GCH1: variants seen among roughly 807,000 people sequenced by gnomAD.
The protein encoded by GCH1 is GTP cyclohydrolase I.
GCH1 carries 5 observed loss-of-function variants against 25.9 expected under a neutral mutation model. The observed-to-expected ratio is 0.19, with a 90% confidence interval of 0.10 to 0.41. The LOEUF (loss-of-function observed/expected upper bound fraction) is 0.41. Among genes scored for constraint, GCH1 ranks in the 10% least tolerant of loss-of-function variants. The pLI is 1.00. For missense variants in GCH1, 261 were observed against 336.5 expected (o/e 0.78, Z 1.75); for synonymous variants, 159 against 129.6 (o/e 1.23, Z -1.54).
intron 5 of GCH1, among the ~76,000 whole-genome samples, chr14:54,845,088 G>A (rs1378193213): frequency 1.3e-5 from 2 of 152,054 alleles, no homozygotes; most frequent in African/African-American, 2.4e-5. Flanking sequence ...CAGGAGAATC[G>A]CTTGAACCTG....
At chr14:54,849,494 G>A (rs2039693143) in intron 3 of GCH1, among the ~76,000 whole-genome samples, 1 of 152,126 alleles carries the variant, frequency 6.6e-6, no homozygotes, top group African/African-American at 2.4e-5. Context: ...TTGCCTTTTA[G>A]ATAATCGATA....
intron 3 of GCH1, among the ~76,000 whole-genome samples, chr14:54,855,716 A>T (rs1361082662): frequency 6.6e-6 from 1 of 151,906 alleles, no homozygotes; most frequent in Non-Finnish European, 1.5e-5. Context: ...GGGGAGGCTG[A>T]GGCAGGAGAA....
chr14:54,897,065 A>AGT (rs2140120329), intron 1 of GCH1, among the ~76,000 whole-genome samples: 1 of 124,458 alleles, frequency 8.0e-6, no homozygotes, highest in Non-Finnish European at 1.6e-5. Context: ...GCTGGAGTGC[A>AGT]GTGGCACAAT....
chr14:54,851,544 C>G (rs956346592), intron 3 of GCH1, among the ~76,000 whole-genome samples: 4 of 152,156 alleles, frequency 2.6e-5, no homozygotes, highest in African/African-American at 9.7e-5. Context: ...CAAACAACCC[C>G]ATCAAAAAGT....
intron 1 of GCH1, among the ~76,000 whole-genome samples, chr14:54,879,420 CAAAAAAA>C (rs34163543): frequency 0.14 from 8,255 of 59,714 alleles, 889 homozygotes; most frequent in African/African-American, 0.39. Context: ...GTCCCTGTCT[CAAAAAAA>C]AAAAAAAAAA....
chr14:54,861,475 C>T (rs1250173145), intron 2 of GCH1, among the ~76,000 whole-genome samples: 1 of 151,992 alleles, frequency 6.6e-6, no homozygotes, highest in Non-Finnish European at 1.5e-5. Context: ...GTGGCTCACA[C>T]CTGTAATTCC....
chr14:54,845,785 C>T lies in GCH1; in HGVS notation c.609G>A (p.Gly203=). 1 of 1,603,110 alleles carries T rather than the reference C, an allele frequency of 6.2e-7. No individual in the cohort carries two copies. Among genetic ancestry groups the T allele is most frequent in the Non-Finnish European group, 8.5e-7 (1 of 1,169,916 alleles). Residue 203 remains glycine, a synonymous_variant, in exon 5 of 6, where the codon GGG becomes GGA. Coordinates refer to ENST00000491895, the MANE Select transcript of GCH1 (RefSeq NM_000161.3). ...AGACTTACGTTGCTTCAACCACTACCCCGACTCCAGCAGGCCGCAAGGCTT... is the reference window on the plus strand; with the variant it reads ...AGACTTACGTTGCTTCAACCACTACTCCGACTCCAGCAGGCCGCAAGGCTT... ...ITEALRPAGV[G]VVVEATHMCM...
intron 3 of GCH1, among the ~76,000 whole-genome samples, chr14:54,847,669 T>A: frequency 6.6e-6 from 1 of 150,940 alleles, no homozygotes; most frequent in Non-Finnish European, 1.5e-5. Flanking sequence ...CTCCCCTTTA[T>A]ATATATATAT....
chr14:54,862,379 CTTTTTT>C (rs892910613), intron 2 of GCH1, among the ~76,000 whole-genome samples: 2 of 57,398 alleles, frequency 3.5e-5, no homozygotes, highest in Non-Finnish European at 7.1e-5. Context: ...AAGCACTACT[CTTTTTT>C]TTTTTTTTTT....
chr14:54,898,403 G>A (rs961325477), intron 1 of GCH1, among the ~76,000 whole-genome samples: 2 of 152,088 alleles, frequency 1.3e-5, no homozygotes, highest in Non-Finnish European at 2.9e-5. Context: ...TGAAGGCCTA[G>A]GACATTACTG....
chr14:54,878,192 T>C (rs941231366), intron 1 of GCH1: 8 of 154,456 alleles, frequency 5.2e-5, no homozygotes, highest in African/African-American at 1.9e-4. Flanking sequence ...TCTGAACCCA[T>C]AGTATAGGAA....
In GCH1 at chr14:54,893,602, T is replaced by A. The variant is rs115254999; in HGVS notation, c.343+8719A>T. Among the ~76,000 whole-genome samples, 1,441 of 152,372 alleles carry A rather than the reference T, an allele frequency of 9.5e-3. 28 individuals carry two copies. The highest frequency in any genetic ancestry group is 0.033 in the African/African-American group (1,354 of 41,590). On this transcript the variant is annotated intron_variant, in intron 1 of 5. Transcript: ENST00000491895. ...CCTACCAGAGATTACAATGATTCTC[T>A]TTCTATATCATCCTCTCAGCTCCGC...
At chr14:54,884,781 C>CAACAAA in intron 1 of GCH1, 2 of 136,480 alleles carry the variant, frequency 1.5e-5, no homozygotes. Context: ...AAAACAACAA[C>CAACAAA]AACAACAACA....
At chr14:54,890,618 A>AGCTG (rs1331706123) in intron 1 of GCH1, among the ~76,000 whole-genome samples, 2 of 152,244 alleles carry the variant, frequency 1.3e-5, no homozygotes, top group Non-Finnish European at 2.9e-5. Flanking sequence ...CAGATAAAGG[A>AGCTG]GCTGGCCCTA....
rs551381738 is a variant in GCH1 at position 54,843,405 on chromosome 14, G to A, written c.*612C>T. 3.0e-4 allele frequency: 367 copies of A among 1,234,270 alleles called. 1 individual carries two copies. The highest frequency in any genetic ancestry group is 1.9e-3 in the Middle Eastern group (6 of 3,092). The allele number at this position is 1,234,270 out of a possible 1,614,324, so 76.5% of individuals were successfully genotyped here. A position where few individuals can be genotyped will look rare whatever the true frequency, so the allele number is the denominator to read the frequency against. On this transcript the variant is annotated 3_prime_UTR_variant, in exon 6 of 6. Coordinates refer to ENST00000491895, the MANE Select transcript of GCH1 (RefSeq NM_000161.3). ...ATTCTTGAATTTAAAAACAATAGAA[G>A]GTAGAAATGTGCCTTTTTAACTCAC... is the stretch of plus-strand genomic sequence containing the variant.
At chr14:54,858,689 G>A (rs939107307) in intron 3 of GCH1, among the ~76,000 whole-genome samples, 6 of 148,600 alleles carry the variant, frequency 4.0e-5, no homozygotes, top group Admixed American at 1.3e-4. Context: ...CACTTTACCC[G>A]ACCCCTTCAT....
intron 1 of GCH1, among the ~76,000 whole-genome samples, chr14:54,898,887 G>A (rs2040523776): frequency 6.6e-6 from 1 of 152,176 alleles, no homozygotes; most frequent in South Asian, 2.1e-4. Context: ...GCCTCCCAAA[G>A]TGCTGGGATT....
intron 3 of GCH1, among the ~76,000 whole-genome samples, chr14:54,855,527 A>AAAAAAAAAAAAAAC (rs2039797163): frequency 6.7e-6 from 1 of 149,654 alleles, no homozygotes; most frequent in South Asian, 2.1e-4. Context: ...AAAAAAAAAA[A>AAAAAAAAAAAAAAC]AAGCTGGCCG....
intron 1 of GCH1, among the ~76,000 whole-genome samples, chr14:54,869,625 C>T (rs1316296745): frequency 6.6e-6 from 1 of 152,184 alleles, no homozygotes; most frequent in Non-Finnish European, 1.5e-5. Context: ...GGATTATAGA[C>T]ACATACCACC....
Sources: allele counts gnomAD v4.1 joint callset (sites outside exome capture counted in the v4.1 genomes callset), GRCh38; gene constraint gnomAD v4.1.1; transcripts MANE v1.5; gene names NCBI Gene and HGNC (gene_info 2026-07-23, HGNC 2026-07-21).